APBB2: variants seen among roughly 807,000 people sequenced by gnomAD.
The protein encoded by APBB2 is amyloid beta precursor protein binding family B member 2, also known as Fe65-like 1.
In APBB2, 38 loss-of-function variants were observed where a neutral mutation model predicts 82.5. The ratio of observed to expected loss-of-function variants is 0.46; its 90% confidence interval spans 0.36 to 0.60. APBB2 has a LOEUF of 0.60. Ranked by LOEUF, APBB2 falls within the 20% of genes least tolerant of loss-of-function variation. The probability of loss-of-function intolerance (pLI) is 0.00; values close to 1 mark genes in which losing one functional copy is unlikely to be tolerated. For missense variants in APBB2, 772 were observed against 972.3 expected, an observed-to-expected ratio of 0.79 and a Z score of 2.74; for synonymous variants, 341 against 368.2, an observed-to-expected ratio of 0.93 and a Z score of 0.85.
At chr4:40,979,770 T>G (rs950613473) in intron 6 of APBB2, among the ~76,000 whole-genome samples, 1 of 152,156 alleles carries the variant, frequency 6.6e-6, no homozygotes, top group Non-Finnish European at 1.5e-5. Flanking sequence ...TGCCGACAAG[T>G]GTGCTTGGAA....
At chr4:41,074,618 T>A (rs866948860) in intron 3 of APBB2, among the ~76,000 whole-genome samples, 4,534 of 149,318 alleles carry the variant, frequency 0.03, 103 homozygotes, top group Middle Eastern at 0.076. Flanking sequence ...ATTTTTTTTT[T>A]TTTTTTTTTG....
intron 6 of APBB2, among the ~76,000 whole-genome samples, chr4:40,998,270 C>T (rs1034433212): frequency 3.9e-5 from 6 of 152,160 alleles, no homozygotes; most frequent in African/African-American, 1.4e-4. Flanking sequence ...AATGTTTCAA[C>T]ATTTGGAAGA....
At chr4:40,924,503 TC>T in intron 10 of APBB2, among the ~76,000 whole-genome samples, 1 of 152,280 alleles carries the variant, frequency 6.6e-6, no homozygotes, top group East Asian at 1.9e-4. Context: ...GAAGAGCCTT[TC>T]CTCACCTGGT....
At chr4:41,064,446 G>T (rs1730995634) in intron 4 of APBB2, among the ~76,000 whole-genome samples, 1 of 152,154 alleles carries the variant, frequency 6.6e-6, no homozygotes, top group Non-Finnish European at 1.5e-5. Flanking sequence ...GCACTTATGG[G>T]GAATTACCCC....
chr4:40,846,326 CAAA>C (rs3086182), intron 12 of APBB2, among the ~76,000 whole-genome samples: 3 of 62,516 alleles, frequency 4.8e-5, no homozygotes, highest in African/African-American at 1.9e-4. Context: ...GAAAACACTC[CAAA>C]AAAAAAAAAA....
At chr4:41,110,184 C>G (rs975505689) in intron 2 of APBB2, among the ~76,000 whole-genome samples, 15 of 152,228 alleles carry the variant, frequency 9.9e-5, no homozygotes, top group African/African-American at 2.9e-4. Flanking sequence ...CACATGCAAG[C>G]CGGAATGCAA....
chr4:41,124,489 CGTGA>C (rs1753826310), intron 2 of APBB2, among the ~76,000 whole-genome samples: 1 of 152,000 alleles, frequency 6.6e-6, no homozygotes, highest in Admixed American at 6.6e-5. Context: ...GGATTACAGG[CGTGA>C]GCCACCGCGC....
In APBB2 at chr4:40,810,739, G is replaced by C. The variant is rs1423562945; in HGVS notation, c.*5353C>G. On this transcript the variant is annotated 3_prime_UTR_variant, in exon 18 of 18. Transcript: ENST00000508593. ...GTGCTCAGCTTATTTTGCTGATTTT[G>C]AAAATCAAACACTATCTCCTTGCCC... is the stretch of plus-strand genomic sequence containing the variant. 6.6e-6 allele frequency: 1 copy of C among 152,134 alleles called. No individual in the cohort carries two copies. The highest frequency in any genetic ancestry group is 1.5e-5 in the Non-Finnish European group (1 of 68,016). The allele number at this position is 152,134 out of a possible 1,614,324, so 9.4% of individuals were successfully genotyped here.
chr4:40,851,717 C>CGT (rs1759421121), intron 12 of APBB2, among the ~76,000 whole-genome samples: 5 of 116,020 alleles, frequency 4.3e-5, no homozygotes, highest in Non-Finnish European at 6.6e-5. Flanking sequence ...ATTTTCTATG[C>CGT]ATATATATAT....
intron 6 of APBB2, among the ~76,000 whole-genome samples, chr4:40,948,672 A>C (rs917730364): frequency 1.3e-5 from 2 of 151,302 alleles, no homozygotes; most frequent in Non-Finnish European, 2.9e-5. Context: ...AGGAAGGAGA[A>C]TCACTTGAAC....
chr4:41,214,137 G>A (rs1780043432), intron 1 of APBB2, among the ~76,000 whole-genome samples: 1 of 152,196 alleles, frequency 6.6e-6, no homozygotes, highest in Admixed American at 6.5e-5. Context: ...CGCAGTCGCC[G>A]TGCCACTGGC....
Position 41,033,316 on chromosome 4 carries a change from G to A in APBB2, c.-50-12C>T, listed in dbSNP as rs1717767005. ...TTATAATTTGAAATCTAAAAAGAAGGGATCATTTGAGAAATTAAAACTCCA... is the reference window on the plus strand; with the variant it reads ...TTATAATTTGAAATCTAAAAAGAAGAGATCATTTGAGAAATTAAAACTCCA... On this transcript the variant is annotated splice_polypyrimidine_tract_variant and intron_variant, in intron 4 of 17. Transcript: ENST00000508593. 6.0e-6 allele frequency: 9 copies of A among 1,507,786 alleles called. No homozygotes were observed. The East Asian group carries it at 9.3e-5, about 16-fold the overall frequency. 93.4% of individuals were successfully genotyped at this position (1,507,786 alleles called of 1,614,324 possible). A position where few individuals can be genotyped will look rare whatever the true frequency, so the allele number is the denominator to read the frequency against.
chr4:41,166,456 T>C (rs550371882), intron 1 of APBB2, among the ~76,000 whole-genome samples: 1 of 151,806 alleles, frequency 6.6e-6, no homozygotes, highest in South Asian at 2.1e-4. Context: ...CATGTACCTG[T>C]AGTCCCAGCT....
chr4:41,156,843 A>C (rs1763583672), intron 1 of APBB2, among the ~76,000 whole-genome samples: 1 of 152,218 alleles, frequency 6.6e-6, no homozygotes, highest in African/African-American at 2.4e-5. Flanking sequence ...AGACGGATGA[A>C]TCATCTGAGG....
intron 4 of APBB2, among the ~76,000 whole-genome samples, chr4:41,040,678 A>G (rs939327984): frequency 1.3e-5 from 2 of 152,106 alleles, no homozygotes; most frequent in African/African-American, 4.8e-5. Context: ...GTTGACTCAA[A>G]TAGCCTAAAT....
At chr4:41,174,628 G>T (rs934838200) in intron 1 of APBB2, among the ~76,000 whole-genome samples, 54 of 152,136 alleles carry the variant, frequency 3.5e-4, no homozygotes, top group Admixed American at 2.0e-4. Flanking sequence ...ATTAGACATG[G>T]TTGCATCACC....
rs1036640889 is a variant in APBB2 at position 40,853,316 on chromosome 4, C to T, written c.1530-22739G>A. Among the ~76,000 whole-genome samples, 66 of 152,272 alleles carry T rather than the reference C, an allele frequency of 4.3e-4. 1 individual carries two copies. The highest frequency in any genetic ancestry group is 1.4e-3 in the African/African-American group (58 of 41,564). On this transcript the variant is annotated intron_variant, in intron 12 of 17. Transcript: ENST00000508593. ...GCATTCCCCTGGTTAACCCTCTTCA[C>T]GGGCACCTCATGGCAAACCTTTAAG...
rs576668031 is a variant in APBB2 at position 41,051,052 on chromosome 4, C to T, written c.-51+14524G>A. Among the ~76,000 whole-genome samples the T allele has an allele frequency of 4.4e-4, 67 of 152,244 alleles. No homozygotes were observed. In the South Asian group the frequency reaches 0.014, roughly 31 times the overall value. On this transcript the variant is annotated intron_variant, in intron 4 of 17. Transcript: ENST00000508593. ...CAAGGACCTCCTCTATCTCCAGCTA[C>T]AGTCTCCTGCTTTCCTCAACAGAAC...
intron 1 of APBB2, among the ~76,000 whole-genome samples, chr4:41,171,307 G>T (rs1198557295): frequency 6.6e-6 from 1 of 152,146 alleles, no homozygotes; most frequent in Non-Finnish European, 1.5e-5. Context: ...AGAGCTACTT[G>T]CCCAGTAGGC....
Sources: allele counts gnomAD v4.1 joint callset (sites outside exome capture counted in the v4.1 genomes callset), GRCh38; gene constraint gnomAD v4.1.1; transcripts MANE v1.5; gene names NCBI Gene and HGNC (gene_info 2026-07-23, HGNC 2026-07-21).